Variants in PCDH15 observed in about 807,000 individuals in gnomAD.
The protein encoded by PCDH15 is protocadherin related 15, also known as protocadherin-15.
In PCDH15, 129 loss-of-function variants were observed where a neutral mutation model predicts 178.5. The ratio of observed to expected loss-of-function variants is 0.72; its 90% CI spans 0.63 to 0.84. PCDH15 has a LOEUF of 0.84. Among genes scored for constraint, PCDH15 ranks in the 40% least tolerant of loss-of-function variants. The pLI is 0.00. For missense variants in PCDH15, 2,230 were observed against 2,099.9 expected, an observed-to-expected ratio of 1.06 and a Z score of -1.21; for synonymous variants, 800 against 732.0, an observed-to-expected ratio of 1.09 and a Z score of -1.50.
intron 1 of PCDH15, among the ~76,000 whole-genome samples, chr10:55,205,056 A>C (rs1840358073): frequency 6.6e-6 from 1 of 152,214 alleles, no homozygotes; most frequent in South Asian, 2.1e-4. Flanking sequence ...GGCTCCTCAG[A>C]TATCCTCAGA....
At chr10:54,230,641 T>G (rs547390534) in intron 9 of PCDH15, among the ~76,000 whole-genome samples, 20 of 152,244 alleles carry the variant, frequency 1.3e-4, no homozygotes, top group African/African-American at 4.6e-4. Flanking sequence ...CCACAGTTAA[T>G]GAAGGTTGAT....
chr10:54,517,065 A>G (rs930590704), intron 3 of PCDH15, among the ~76,000 whole-genome samples: 7 of 152,204 alleles, frequency 4.6e-5, no homozygotes, highest in Admixed American at 1.3e-4. Context: ...AGGAAGCACT[A>G]AACATGGAAA....
intron 16 of PCDH15, among the ~76,000 whole-genome samples, chr10:54,081,513 G>C (rs530353868): frequency 6.6e-6 from 1 of 152,086 alleles, no homozygotes; most frequent in African/African-American, 2.4e-5. Context: ...GCGACTCAGT[G>C]TTGTAGGCAG....
intron 2 of PCDH15, among the ~76,000 whole-genome samples, chr10:55,062,899 TA>T (rs1429508217): frequency 6.6e-6 from 1 of 152,098 alleles, no homozygotes; most frequent in East Asian, 1.9e-4. Flanking sequence ...AAAACTGCTT[TA>T]AAAAATCTTT....
intron 2 of PCDH15, among the ~76,000 whole-genome samples, chr10:55,010,450 T>C (rs954089248): frequency 2.6e-5 from 4 of 152,076 alleles, no homozygotes; most frequent in African/African-American, 9.7e-5. Context: ...ATAAGTGCTA[T>C]AAAGATAACA....
At chr10:54,338,872 A>T (rs1941705392) in intron 6 of PCDH15, among the ~76,000 whole-genome samples, 1 of 142,698 alleles carries the variant, frequency 7.0e-6, no homozygotes, top group African/African-American at 2.8e-5. Context: ...TTAAAATAAA[A>T]AAAAAGATCA....
chr10:55,457,133 G>A (rs1839572175), intron 2 of PCDH15, among the ~76,000 whole-genome samples: 1 of 152,110 alleles, frequency 6.6e-6, no homozygotes, highest in Admixed American at 6.6e-5. Context: ...AGGAAAGGTG[G>A]GAAGGGTATC....
At chr10:54,200,900 T>C (rs2050168893) in intron 10 of PCDH15, among the ~76,000 whole-genome samples, 1 of 152,158 alleles carries the variant, frequency 6.6e-6, no homozygotes, top group Non-Finnish European at 1.5e-5. Flanking sequence ...CTATTATGAC[T>C]CCTAATTTCA....
intron 2 of PCDH15, among the ~76,000 whole-genome samples, chr10:54,659,188 A>G (rs1565877285): frequency 6.6e-6 from 1 of 152,218 alleles, no homozygotes; most frequent in Non-Finnish European, 1.5e-5. Context: ...TAGTTATATA[A>G]TCTGTCTGGT....
intron 2 of PCDH15, among the ~76,000 whole-genome samples, chr10:55,110,890 T>C (rs1423865358): frequency 6.6e-6 from 1 of 152,120 alleles, no homozygotes; most frequent in Non-Finnish European, 1.5e-5. Flanking sequence ...GTTGCAGGCA[T>C]TGACTTATTT....
At chr10:54,554,661 C>T (rs2086974297) in intron 2 of PCDH15, among the ~76,000 whole-genome samples, 1 of 152,070 alleles carries the variant, frequency 6.6e-6, no homozygotes, top group Admixed American at 6.6e-5. Flanking sequence ...AGGAACAGGA[C>T]CTCCAACACC....
At chr10:54,066,727 A>C in intron 18 of PCDH15, 30 bp downstream of exon 18, 1 of 1,605,036 alleles carries the variant, frequency 6.2e-7, no homozygotes, top group Non-Finnish European at 8.5e-7. Context: ...GAAAAACTAC[A>C]TATAAGATCT....
chr10:55,190,271 A>AC (rs1839911963), intron 1 of PCDH15, among the ~76,000 whole-genome samples: 1 of 148,992 alleles, frequency 6.7e-6, no homozygotes, highest in African/African-American at 2.6e-5. Flanking sequence ...TATTAAAAAA[A>AC]AAACTTCTGC....
intron 2 of PCDH15, among the ~76,000 whole-genome samples, chr10:55,142,150 G>C (rs1292758248): frequency 6.6e-6 from 1 of 152,062 alleles, no homozygotes; most frequent in Admixed American, 6.6e-5. Flanking sequence ...ATTATGATCT[G>C]TGTCTCTATA....
intron 3 of PCDH15, among the ~76,000 whole-genome samples, chr10:54,424,649 C>T (rs1189199564): frequency 1.3e-5 from 2 of 151,986 alleles, no homozygotes; most frequent in East Asian, 1.9e-4. Flanking sequence ...GAAACTGTGG[C>T]ATATATACAC....
intron 3 of PCDH15, among the ~76,000 whole-genome samples, chr10:54,403,342 C>T (rs1481467565): frequency 6.6e-6 from 1 of 151,882 alleles, no homozygotes; most frequent in African/African-American, 2.4e-5. Context: ...AAGCAGCAAC[C>T]ACATGATTAC....
intron 2 of PCDH15, among the ~76,000 whole-genome samples, chr10:55,006,877 G>T (rs938587854): frequency 2.0e-5 from 3 of 152,072 alleles, no homozygotes; most frequent in Non-Finnish European, 4.4e-5. Context: ...TTTACTCAAT[G>T]CCTATACATT....
chr10:55,375,642 T>G (rs1025999729), intron 2 of PCDH15, among the ~76,000 whole-genome samples: 5 of 152,134 alleles, frequency 3.3e-5, no homozygotes, highest in Non-Finnish European at 7.4e-5. Flanking sequence ...TTGCATCTGA[T>G]ATCTTAGAGT....
intron 2 of PCDH15, among the ~76,000 whole-genome samples, chr10:55,096,315 G>C (rs1393719405): frequency 1.3e-5 from 2 of 151,992 alleles, no homozygotes; most frequent in Non-Finnish European, 2.9e-5. Context: ...CCATTCATGG[G>C]TTTAGGTCTG....
Sources: allele counts gnomAD v4.1 joint callset (sites outside exome capture counted in the v4.1 genomes callset), GRCh38; gene constraint gnomAD v4.1.1; transcripts MANE v1.5; gene names NCBI Gene and HGNC (gene_info 2026-07-23, HGNC 2026-07-21).